The following FBXO47 variants were observed in gnomAD, a reference collection of about 807,000 sequenced individuals.
The protein encoded by FBXO47 is F-box only protein 47.
Under a neutral mutation model 53.9 loss-of-function variants are expected in FBXO47, and 34 were observed. The observed-to-expected ratio is 0.63, with a 90% CI of 0.48 to 0.84. FBXO47 has a LOEUF of 0.84. Among genes scored for constraint, FBXO47 ranks in the 40% least tolerant of loss-of-function variants. The probability of loss-of-function intolerance (pLI) is 0.00; values close to 1 mark genes in which losing one functional copy is unlikely to be tolerated. For synonymous variants in FBXO47, 165 were observed against 181.6 expected (o/e 0.91, Z 0.73); for missense variants, 485 against 541.3 (o/e 0.90, Z 1.03).
At chr17:38,965,318 C>T (rs2143978377) in intron 1 of FBXO47, among the ~76,000 whole-genome samples, 1 of 152,262 alleles carries the variant, frequency 6.6e-6, no homozygotes, top group South Asian at 2.1e-4. Flanking sequence ...ACATTTTCAT[C>T]AAAGATATAT....
intron 6 of FBXO47, among the ~76,000 whole-genome samples, chr17:38,946,210 A>G (rs1904788052): frequency 8.7e-6 from 1 of 114,304 alleles, no homozygotes; most frequent in Non-Finnish European, 1.6e-5. Flanking sequence ...ATATAAATAT[A>G]TACAAAAATA....
At chr17:38,946,079 T>A (rs2143906027) in intron 6 of FBXO47, among the ~76,000 whole-genome samples, 1 of 128,112 alleles carries the variant, frequency 7.8e-6, no homozygotes, top group East Asian at 2.6e-4. Flanking sequence ...TATATTTATA[T>A]ATAAATACAT....
At chr17:38,948,513 C>T (rs1186416741) in intron 6 of FBXO47, among the ~76,000 whole-genome samples, 1 of 151,972 alleles carries the variant, frequency 6.6e-6, no homozygotes, top group African/African-American at 2.4e-5. Context: ...CCACGCCCCG[C>T]CCCTATTCTG....
chr17:38,964,503 G>A (rs189898298), intron 1 of FBXO47, among the ~76,000 whole-genome samples: 237 of 151,906 alleles, frequency 1.6e-3, no homozygotes, highest in African/African-American at 5.4e-3. Flanking sequence ...GACTGAAGCA[G>A]GAAAATTGCT....
At chr17:38,941,641 T>TATATATATATATATATAG (rs1311819339) in intron 9 of FBXO47, among the ~76,000 whole-genome samples, 1 of 145,348 alleles carries the variant, frequency 6.9e-6, no homozygotes, top group Non-Finnish European at 1.5e-5. Flanking sequence ...TATATATATA[T>TATATATATATATATATAG]ATATGTATGT....
Position 38,954,854 on chromosome 17 carries a change from A to G in FBXO47, c.507+2T>C. 6.3e-7 allele frequency: 1 copy of G among 1,589,380 alleles called. No homozygotes were observed. Among genetic ancestry groups the G allele is most frequent in the South Asian group, 1.1e-5 (1 of 87,790 alleles). On this transcript the variant is annotated splice_donor_variant, in intron 5 of 10. Coordinates refer to ENST00000378079, the MANE Select transcript of FBXO47 (RefSeq NM_001008777.3). LOFTEE classifies it high-confidence loss of function. ...TTTCTTCTCTGATTAAAAAAAATGTACCTGTAAAAACATGCCATAACATGT... is the reference window on the plus strand; with the variant it reads ...TTTCTTCTCTGATTAAAAAAAATGTGCCTGTAAAAACATGCCATAACATGT...
At chr17:38,958,803 G>A (rs1905679677) in intron 3 of FBXO47, among the ~76,000 whole-genome samples, 2 of 151,934 alleles carry the variant, frequency 1.3e-5, no homozygotes, top group African/African-American at 4.8e-5. Flanking sequence ...GAACAGAATT[G>A]TTTTAAACAA....
chr17:38,966,117 T>C (rs1341630259), intron 1 of FBXO47, among the ~76,000 whole-genome samples: 1 of 152,208 alleles, frequency 6.6e-6, no homozygotes. Context: ...CATATTTTAA[T>C]GGCTATGTGT....
At chr17:38,943,034 G>A in intron 8 of FBXO47, 114 bp from the exon 9 acceptor site, 1 of 940,768 alleles carries the variant, frequency 1.1e-6, no homozygotes, top group Non-Finnish European at 1.5e-6. Context: ...AGTGCCAAGG[G>A]AAATGCTCAG....
At chr17:38,946,853 A>T (rs1305783301) in intron 6 of FBXO47, among the ~76,000 whole-genome samples, 2 of 115,534 alleles carry the variant, frequency 1.7e-5, no homozygotes, top group African/African-American at 7.2e-5. Flanking sequence ...AACATATAAA[A>T]ATATATATAA....
Position 38,947,053 on chromosome 17 carries a change from C to CATATATAA in FBXO47, c.617-1925_617-1918dup, listed in dbSNP as rs1440783458. ...ACAAATATATGTAAATATATAAAAA[C>CATATATAA]ATATATAAATATATATAAACATATA... On this transcript the variant is annotated intron_variant, in intron 6 of 10. Transcript: ENST00000378079. Among the ~76,000 whole-genome samples the CATATATAA allele has an allele frequency of 1.0e-4, 13 of 124,616 alleles. 1 individual carries two copies. Among genetic ancestry groups the CATATATAA allele is most frequent in the African/African-American group, 4.6e-4 (13 of 28,148 alleles). The allele number at this position is 124,616 out of a possible 152,430, so 81.8% of individuals were successfully genotyped here.
chr17:38,953,309 A>G (rs1448923416), intron 5 of FBXO47, among the ~76,000 whole-genome samples: 2 of 150,254 alleles, frequency 1.3e-5, no homozygotes, highest in African/African-American at 2.5e-5. Flanking sequence ...ACAGAGCAAG[A>G]CTCCGTCTCA....
At chr17:38,946,899 T>C (rs1904934658) in intron 6 of FBXO47, among the ~76,000 whole-genome samples, 1 of 117,956 alleles carries the variant, frequency 8.5e-6, no homozygotes. Flanking sequence ...TATATAAACA[T>C]ATATAAATAT....
rs527947462 is a variant in FBXO47 at position 38,950,976 on chromosome 17, C to T, written c.616+605G>A. On this transcript the variant is annotated intron_variant, in intron 6 of 10. Coordinates refer to ENST00000378079, the MANE Select transcript of FBXO47 (RefSeq NM_001008777.3). Reference sequence around the variant, plus strand: ...AGTGCAGTTACTTGATCTTGGCTCACTACAGCCTCAGTCTAGTGGGCTCAA... The same window carrying T: ...AGTGCAGTTACTTGATCTTGGCTCATTACAGCCTCAGTCTAGTGGGCTCAA... Among the ~76,000 whole-genome samples the T allele has an allele frequency of 4.5e-4, 68 of 152,214 alleles. 2 individuals carry two copies. The South Asian group carries it at 0.013, about 30-fold the overall frequency.
intron 3 of FBXO47, among the ~76,000 whole-genome samples, chr17:38,961,584 C>T (rs553686176): frequency 8.5e-5 from 13 of 152,274 alleles, no homozygotes; most frequent in African/African-American, 1.2e-4. Flanking sequence ...CAGGAAGTGA[C>T]GCATAGAAAA....
chr17:38,943,795 T>C lies in FBXO47; in HGVS notation c.794-59A>G, dbSNP rs890864206. The C allele has an allele frequency of 2.2e-5, 33 of 1,469,526 alleles. 1 individual carries two copies. The African/African-American group carries it at 4.6e-4, about 21-fold the overall frequency. 91.0% of individuals were successfully genotyped at this position (1,469,526 alleles called of 1,614,324 possible). ...TAGTTGGCTTTGTGATAAAGACTTGTTTAAAAAGGAAAGTGAATTGCACAA... is the reference window on the plus strand; with the variant it reads ...TAGTTGGCTTTGTGATAAAGACTTGCTTAAAAAGGAAAGTGAATTGCACAA... On this transcript the variant is annotated intron_variant, in intron 7 of 10. Transcript: ENST00000378079.
chr17:38,953,928 G>T (rs894117799), intron 5 of FBXO47, among the ~76,000 whole-genome samples: 2 of 152,168 alleles, frequency 1.3e-5, no homozygotes, highest in African/African-American at 4.8e-5. Flanking sequence ...GTTGGTGGCT[G>T]GTAGGCTGAG....
rs752160331 is a variant in FBXO47, at chr17:38,943,712, A to G, written c.818T>C (p.Ile273Thr). The change falls in exon 8 of 11, where the codon ATA becomes ACA. Residue 273 changes from isoleucine to threonine, a missense_variant. Ile to Thr is a moderately conservative substitution (Grantham distance 89). Coordinates refer to ENST00000378079, the MANE Select transcript of FBXO47 (RefSeq NM_001008777.3). The part of the protein sequence containing the change: ...QDGQVVWQEM[I>T]EEPTDEFSLK... ...ACTGAATTCATCTGTAGGTTCTTCT[A>G]TCATTTCCTGCCAAACCACCTGTCC... 5.6e-6 allele frequency: 9 copies of G among 1,607,960 alleles called. No homozygotes were observed. Among genetic ancestry groups the G allele is most frequent in the South Asian group, 5.6e-5 (5 of 89,820 alleles).
At chr17:38,945,200 G>T in intron 6 of FBXO47, 64 bp from the exon 7 acceptor site, 1 of 1,177,396 alleles carries the variant, frequency 8.5e-7, no homozygotes, top group Non-Finnish European at 1.2e-6. Context: ...ATTGAATAGT[G>T]ATCAAAGCAA....
Sources: gnomAD v4.1 joint callset for allele counts (sites outside exome capture counted in the v4.1 genomes callset) on GRCh38, gnomAD v4.1.1 for gene constraint, MANE v1.5 for transcripts, NCBI Gene and HGNC (gene_info 2026-07-23, HGNC 2026-07-21) for gene names.